Variants in MAGI2 observed in about 807,000 individuals in gnomAD.
MAGI2 encodes the protein membrane-associated guanylate kinase, WW and PDZ domain-containing protein 2.
In MAGI2, 35 loss-of-function variants were observed where a neutral mutation model predicts 133.3. The observed-to-expected ratio is 0.26, with a 90% CI of 0.20 to 0.35. The LOEUF (loss-of-function observed/expected upper bound fraction) is 0.35. MAGI2 is among the 10% of genes least tolerant of loss of function. MAGI2 has a pLI of 1.00. For missense variants in MAGI2, 1,636 were observed against 1,863.4 expected (o/e 0.88, Z 2.25); for synonymous variants, 729 against 710.6 (o/e 1.03, Z -0.41).
chr7:79,402,667 A>T (rs1224315962), intron 1 of MAGI2, among the ~76,000 whole-genome samples: 1 of 152,166 alleles, frequency 6.6e-6, no homozygotes, highest in Non-Finnish European at 1.5e-5. Flanking sequence ...TGTTTCATTT[A>T]AAAATGTTTT....
chr7:78,406,116 T>G (rs6466202), intron 6 of MAGI2, among the ~76,000 whole-genome samples: 108,156 of 151,740 alleles, frequency 0.71, 39,554 homozygotes, highest in African/African-American at 0.85. Flanking sequence ...ATCCTAGAGA[T>G]TCCAATGTAT....
intron 2 of MAGI2, among the ~76,000 whole-genome samples, chr7:78,878,383 G>A (rs892613396): frequency 2.0e-5 from 3 of 152,126 alleles, no homozygotes; most frequent in Non-Finnish European, 4.4e-5. Flanking sequence ...CAACTAAATT[G>A]TAAGCCATTT....
chr7:78,987,099 A>G (rs549650778), intron 2 of MAGI2, among the ~76,000 whole-genome samples: 2 of 152,120 alleles, frequency 1.3e-5, no homozygotes, highest in Admixed American at 1.3e-4. Context: ...GAGGGCATTA[A>G]TTTTCATACA....
intron 1 of MAGI2, among the ~76,000 whole-genome samples, chr7:79,271,722 G>A (rs1349078018): frequency 2.7e-5 from 4 of 146,020 alleles, no homozygotes; most frequent in African/African-American, 5.0e-5. Context: ...AGATTTTAAC[G>A]GTTGCCACCA....
chr7:78,070,096 CACACACACAT>C (rs1404441162), intron 21 of MAGI2, among the ~76,000 whole-genome samples: 1 of 116,744 alleles, frequency 8.6e-6, no homozygotes, highest in Admixed American at 9.6e-5. Flanking sequence ...TATAAACACA[CACACACACAT>C]ACACACACAC....
chr7:78,601,872 C>A (rs1453955862), intron 3 of MAGI2, among the ~76,000 whole-genome samples: 1 of 152,162 alleles, frequency 6.6e-6, no homozygotes, highest in African/African-American at 2.4e-5. Context: ...TGGTTTCCAT[C>A]AGCACACAGT....
At chr7:78,062,696 C>T (rs975973567) in intron 21 of MAGI2, among the ~76,000 whole-genome samples, 1 of 152,194 alleles carries the variant, frequency 6.6e-6, no homozygotes, top group Admixed American at 6.5e-5. Flanking sequence ...ACTTATGGCT[C>T]CAAGTCCTTT....
At chr7:79,165,867 C>A (rs564029557) in intron 1 of MAGI2, among the ~76,000 whole-genome samples, 113 of 152,098 alleles carry the variant, frequency 7.4e-4, no homozygotes, top group South Asian at 5.0e-3. Flanking sequence ...ATTACAGATT[C>A]TCTATAAATG....
At chr7:79,144,899 C>T (rs73369391) in intron 1 of MAGI2, among the ~76,000 whole-genome samples, 205 of 152,202 alleles carry the variant, frequency 1.3e-3, no homozygotes, top group African/African-American at 4.4e-3. Flanking sequence ...GTGAATATTA[C>T]GGGTGACAAT....
chr7:78,987,855 C>T (rs1455134684), intron 2 of MAGI2, among the ~76,000 whole-genome samples: 1 of 151,936 alleles, frequency 6.6e-6, no homozygotes, highest in Non-Finnish European at 1.5e-5. Flanking sequence ...CACAGGCACA[C>T]ACACACAGTA....
intron 2 of MAGI2, among the ~76,000 whole-genome samples, chr7:78,988,672 G>C (rs1280460215): frequency 6.6e-6 from 1 of 152,082 alleles, no homozygotes; most frequent in East Asian, 1.9e-4. Context: ...TATTTTACAT[G>C]GTGGTGCTGA....
chr7:78,440,705 A>T (rs1193955943), intron 6 of MAGI2, among the ~76,000 whole-genome samples: 1 of 152,122 alleles, frequency 6.6e-6, no homozygotes, highest in African/African-American at 2.4e-5. Flanking sequence ...TAATCCCAAC[A>T]CTTTGGGAGG....
intron 1 of MAGI2, among the ~76,000 whole-genome samples, chr7:79,034,741 C>T (rs1810951636): frequency 6.6e-6 from 1 of 152,172 alleles, no homozygotes; most frequent in Admixed American, 6.5e-5. Context: ...AAATCCAATA[C>T]TGACCATAAG....
intron 20 of MAGI2, among the ~76,000 whole-genome samples, chr7:78,125,462 A>C (rs1225391922): frequency 1.3e-5 from 2 of 152,212 alleles, no homozygotes; most frequent in African/African-American, 2.4e-5. Context: ...TCTTTAGAAA[A>C]ATAGTACTTT....
At chr7:78,608,764 G>T (rs2215030) in intron 3 of MAGI2, among the ~76,000 whole-genome samples, 1 of 152,148 alleles carries the variant, frequency 6.6e-6, no homozygotes, top group African/African-American at 2.4e-5. Flanking sequence ...GAATCACATA[G>T]TTACATGGTA....
chr7:78,206,987 C>G (rs375104654), intron 10 of MAGI2, among the ~76,000 whole-genome samples: 28 of 152,134 alleles, frequency 1.8e-4, no homozygotes, highest in African/African-American at 6.3e-4. Context: ...CATTGTTGAG[C>G]TGTACACTGA....
intron 6 of MAGI2, among the ~76,000 whole-genome samples, chr7:78,417,493 CTTAG>C (rs1250564828): frequency 4.6e-5 from 7 of 152,038 alleles, no homozygotes; most frequent in African/African-American, 1.7e-4. Context: ...CAATCTTTTA[CTTAG>C]TAACTATAAT....
chr7:78,534,751 C>T (rs577160293), intron 3 of MAGI2, among the ~76,000 whole-genome samples: 9 of 152,150 alleles, frequency 5.9e-5, no homozygotes, highest in Admixed American at 2.6e-4. Flanking sequence ...GTAGTCTGGT[C>T]ATTTCCTGCT....
At chr7:78,552,376 T>C (rs149025004) in intron 3 of MAGI2, among the ~76,000 whole-genome samples, 2,482 of 151,994 alleles carry the variant, frequency 0.016, 37 homozygotes, top group African/African-American at 0.047. Flanking sequence ...AGAGATGGGG[T>C]TTCACCATGT....
Sources: gnomAD v4.1 joint callset for allele counts (sites outside exome capture counted in the v4.1 genomes callset) on GRCh38, gnomAD v4.1.1 for gene constraint, MANE v1.5 for transcripts, NCBI Gene and HGNC (gene_info 2026-07-23, HGNC 2026-07-21) for gene names.